COL4A4: variants seen among roughly 807,000 people sequenced by gnomAD.
The protein encoded by COL4A4 is collagen alpha-4(IV) chain.
Under a neutral mutation model 192.9 loss-of-function variants are expected in COL4A4, and 105 were observed. That is an observed-to-expected ratio of 0.54 (90% CI 0.46 to 0.64). COL4A4 has a LOEUF of 0.64. Ranked by LOEUF, COL4A4 falls within the 30% of genes least tolerant of loss-of-function variation. The pLI is 0.00. For missense variants in COL4A4, 1,967 were observed against 2,169.3 expected (o/e 0.91, Z 1.85); for synonymous variants, 762 against 769.9 (o/e 0.99, Z 0.17).
intron 25 of COL4A4, among the ~76,000 whole-genome samples, chr2:227,069,875 T>A (rs1223967919): frequency 1.3e-5 from 2 of 151,628 alleles, no homozygotes; most frequent in African/African-American, 4.9e-5. Context: ...AAATGGGATC[T>A]AATTAAACTA....
chr2:227,049,955 G>T, intron 34 of COL4A4, 113 bp downstream of exon 34: 2 of 948,618 alleles, frequency 2.1e-6, no homozygotes, highest in Non-Finnish European at 1.7e-6. Context: ...CCCCTTGGGT[G>T]TTGCAGTTTC....
chr2:227,077,458 A>C (rs2059087669), intron 25 of COL4A4, among the ~76,000 whole-genome samples: 1 of 152,140 alleles, frequency 6.6e-6, no homozygotes, highest in Admixed American at 6.5e-5. Flanking sequence ...ACATGGACAC[A>C]GGGAGGGGAA....
chr2:227,014,892 C>CTTTTTTTTTTTTTTTT lies in COL4A4; in HGVS notation c.4217-2611_4217-2596dup, dbSNP rs1179125792. The stretch of plus-strand genomic sequence containing the variant: ...TACAGGCACGGGCCACCATGCCTGG[C>CTTTTTTTTTTTTTTTT]TTTTTTTTTTTTTTTTTTTTTTCTG... On this transcript the variant is annotated intron_variant, in intron 44 of 47. Transcript: ENST00000396625. Among the ~76,000 whole-genome samples, 3 of 106,586 alleles carry CTTTTTTTTTTTTTTTT rather than the reference C, an allele frequency of 2.8e-5. 1 individual carries two copies. The highest frequency in any genetic ancestry group is 7.6e-5 in the African/African-American group (2 of 26,176). 69.9% of individuals were successfully genotyped at this position (106,586 alleles called of 152,430 possible).
At chr2:227,059,288 T>C in intron 28 of COL4A4, 117 bp downstream of exon 28, 1 of 896,124 alleles carries the variant, frequency 1.1e-6, no homozygotes, top group Non-Finnish European at 1.9e-6. Context: ...GGGAAAACAC[T>C]TGGGTAAACT....
chr2:227,105,719 ATCTT>A (rs1309621809), intron 12 of COL4A4, among the ~76,000 whole-genome samples: 2 of 152,062 alleles, frequency 1.3e-5, no homozygotes, highest in Non-Finnish European at 2.9e-5. Context: ...ACTTAGTATG[ATCTT>A]TCTTTTTGTC....
chr2:226,973,394 A>G, the COL4A4 span, among the ~76,000 whole-genome samples: 1 of 152,196 alleles, frequency 6.6e-6, no homozygotes, highest in Non-Finnish European at 1.5e-5. Context: ...GTCTGGGCTC[A>G]TTATCTGGGA....
chr2:227,066,974 C>G (rs1027067990), intron 25 of COL4A4, among the ~76,000 whole-genome samples: 5 of 147,314 alleles, frequency 3.4e-5, no homozygotes, highest in Non-Finnish European at 1.5e-5. Flanking sequence ...GCAAACCCAT[C>G]TCACGTGCAG....
chr2:227,084,962 T>A (rs1395203000), intron 22 of COL4A4, among the ~76,000 whole-genome samples: 2 of 151,980 alleles, frequency 1.3e-5, no homozygotes, highest in African/African-American at 4.8e-5. Context: ...TGAAACCCTG[T>A]CTCTACTAAA....
intron 11 of COL4A4, 42 bp from the exon 12 acceptor site, chr2:227,108,664 T>A (rs778815767): frequency 1.3e-5 from 21 of 1,608,988 alleles, no homozygotes; most frequent in East Asian, 2.2e-5. Context: ...TTTTGAATTT[T>A]AAAAAAGTAA....
intron 33 of COL4A4, among the ~76,000 whole-genome samples, chr2:227,050,513 G>A (rs909657158): frequency 4.6e-5 from 7 of 152,176 alleles, no homozygotes; most frequent in Admixed American, 6.5e-5. Context: ...AGTGAGTTAC[G>A]TGTTTTCCAG....
chr2:227,054,873 T>G (rs1365961552), intron 30 of COL4A4, 136 bp from the exon 31 acceptor site: 10 of 950,630 alleles, frequency 1.1e-5, no homozygotes, highest in Middle Eastern at 3.2e-4. Flanking sequence ...CATTGCAACC[T>G]CTGCCTCCCA....
chr2:227,156,921 T>C (rs1178233534), intron 1 of COL4A4, among the ~76,000 whole-genome samples: 1 of 152,204 alleles, frequency 6.6e-6, no homozygotes, highest in Non-Finnish European at 1.5e-5. Context: ...TGGTTATTGA[T>C]AGAACAAAGT....
the COL4A4 span, among the ~76,000 whole-genome samples, chr2:226,973,331 AT>A: frequency 6.6e-6 from 1 of 152,200 alleles, no homozygotes; most frequent in Non-Finnish European, 1.5e-5. Context: ...TGTTTAAGAC[AT>A]TTTCCTGTGC....
intron 3 of COL4A4, among the ~76,000 whole-genome samples, chr2:227,142,315 CAATT>C (rs1455968805): frequency 6.6e-6 from 1 of 152,060 alleles, no homozygotes; most frequent in East Asian, 1.9e-4. Flanking sequence ...ATATTTCAGA[CAATT>C]AAACATTCAA....
chr2:227,055,262 C>T (rs1027073328), intron 30 of COL4A4, among the ~76,000 whole-genome samples: 11 of 151,992 alleles, frequency 7.2e-5, no homozygotes, highest in African/African-American at 2.7e-4. Context: ...GACCTGCAAT[C>T]CTGGCACTAG....
In COL4A4 at chr2:227,022,155, G is replaced by A. The variant is rs779203537; in HGVS notation, c.4109C>T (p.Ala1370Val). The change falls in exon 44 of 48, where the codon GCA (alanine) becomes GTA (valine). Residue 1370 changes from alanine (A) to valine (V), a missense_variant. By Grantham distance (64) the Ala-to-Val change is moderately conservative (BLOSUM62 0). Transcript: ENST00000396625. ...PGPRGEPGPP[A>V]DVDDCPRIPG... is the part of the protein sequence containing the mutation. ...GATTCGGGGACAGTCATCCACATCTGCAGGTGGCCCCGGTTCACCTGAAAT... is the reference window on the plus strand; with the variant it reads ...GATTCGGGGACAGTCATCCACATCTACAGGTGGCCCCGGTTCACCTGAAAT... 6.2e-7 allele frequency: 1 copy of A among 1,614,136 alleles called. No homozygotes were observed. The highest frequency in any genetic ancestry group is 1.1e-5 in the South Asian group (1 of 91,078).
intron 37 of COL4A4, 62 bp from the exon 38 acceptor site, chr2:227,033,543 A>G (rs748973054): frequency 2.3e-5 from 34 of 1,454,930 alleles, no homozygotes; most frequent in Middle Eastern, 4.5e-4. Flanking sequence ...CACTCTAGCC[A>G]CAAACGCAGG....
At chr2:227,104,973 G>A (rs1319740569) in intron 12 of COL4A4, among the ~76,000 whole-genome samples, 2 of 151,780 alleles carry the variant, frequency 1.3e-5, no homozygotes, top group Admixed American at 1.3e-4. Context: ...TTGGTGGTGT[G>A]TGTACATATG....
At chr2:227,092,147 T>C (rs1054519706) in intron 20 of COL4A4, among the ~76,000 whole-genome samples, 2 of 151,930 alleles carry the variant, frequency 1.3e-5, no homozygotes, top group Non-Finnish European at 2.9e-5. Context: ...ATGTTATGAG[T>C]TCTCAGTAGC....
Sources: allele counts gnomAD v4.1 joint callset (sites outside exome capture counted in the v4.1 genomes callset), GRCh38; gene constraint gnomAD v4.1.1; transcripts MANE v1.5; gene names NCBI Gene and HGNC (gene_info 2026-07-23, HGNC 2026-07-21).